The following ARHGAP15 variants were observed in gnomAD, a reference collection of about 807,000 sequenced individuals.
The protein encoded by ARHGAP15 is Rho GTPase activating protein 15.
Under a neutral mutation model 63.7 loss-of-function variants are expected in ARHGAP15, and 51 were observed. That is an observed-to-expected ratio of 0.80 (90% CI 0.64 to 1.01). The LOEUF (loss-of-function observed/expected upper bound fraction) is 1.01. ARHGAP15 is among the 50% of genes least tolerant of loss of function. ARHGAP15 has a pLI of 0.00. For synonymous variants in ARHGAP15, 191 were observed against 193.8 expected, an observed-to-expected ratio of 0.99 and a Z score of 0.12; for missense variants, 560 against 564.6, an observed-to-expected ratio of 0.99 and a Z score of 0.08.
At chr2:143,502,148 C>G (rs1191320650) in intron 9 of ARHGAP15, among the ~76,000 whole-genome samples, 3 of 152,152 alleles carry the variant, frequency 2.0e-5, no homozygotes, top group Admixed American at 6.5e-5. Context: ...GTGGCTCACA[C>G]CAGTAATCCC....
intron 12 of ARHGAP15, among the ~76,000 whole-genome samples, chr2:143,699,534 G>A (rs1237402015): frequency 6.6e-6 from 1 of 152,152 alleles, no homozygotes; most frequent in Non-Finnish European, 1.5e-5. Context: ...AAACCGACAT[G>A]TACTTTTCAT....
intron 6 of ARHGAP15, among the ~76,000 whole-genome samples, chr2:143,275,702 T>C: frequency 6.6e-6 from 1 of 152,190 alleles, no homozygotes; most frequent in East Asian, 1.9e-4. Context: ...CCAGGGCTAT[T>C]AACCTATGAT....
chr2:143,745,620 A>T (rs1319440600), intron 13 of ARHGAP15, among the ~76,000 whole-genome samples: 1 of 152,200 alleles, frequency 6.6e-6, no homozygotes, highest in African/African-American at 2.4e-5. Context: ...TATTTAAAAT[A>T]TTCATATATA....
intron 11 of ARHGAP15, among the ~76,000 whole-genome samples, chr2:143,588,821 C>T (rs1384214781): frequency 3.9e-5 from 6 of 152,120 alleles, no homozygotes; most frequent in Non-Finnish European, 7.3e-5. Flanking sequence ...TCTTTTCTGC[C>T]CAGTTTAAAC....
At chr2:143,765,120 T>A (rs978518975) in intron 13 of ARHGAP15, among the ~76,000 whole-genome samples, 1 of 113,062 alleles carries the variant, frequency 8.8e-6, no homozygotes, top group Non-Finnish European at 2.1e-5. Flanking sequence ...TGTGTGTGTG[T>A]GTGTGTGTGT....
At chr2:143,680,916 G>A (rs1683070684) in intron 12 of ARHGAP15, among the ~76,000 whole-genome samples, 1 of 152,050 alleles carries the variant, frequency 6.6e-6, no homozygotes, top group Non-Finnish European at 1.5e-5. Flanking sequence ...CTTTGATAAG[G>A]GACAATCCTA....
chr2:143,474,136 GGT>G (rs1348061335), intron 8 of ARHGAP15, among the ~76,000 whole-genome samples: 2 of 152,010 alleles, frequency 1.3e-5, no homozygotes, highest in African/African-American at 4.8e-5. Context: ...CATCTGTAGG[GGT>G]GTCCTGGCAT....
intron 1 of ARHGAP15, among the ~76,000 whole-genome samples, chr2:143,132,987 T>C (rs1207875409): frequency 6.6e-6 from 1 of 152,246 alleles, no homozygotes; most frequent in African/African-American, 2.4e-5. Context: ...ATAATTATGA[T>C]GCAAATACAA....
At chr2:143,235,805 T>G in intron 5 of ARHGAP15, 1 of 925,528 alleles carries the variant, frequency 1.1e-6, no homozygotes, top group East Asian at 3.2e-5. Context: ...CTGTTTGATT[T>G]ATCTTCTCAG....
intron 8 of ARHGAP15, among the ~76,000 whole-genome samples, chr2:143,456,873 A>G (rs1690682947): frequency 6.6e-6 from 1 of 151,896 alleles, no homozygotes; most frequent in Non-Finnish European, 1.5e-5. Context: ...ATGTATGTCT[A>G]TAGTATATAA....
At chr2:143,668,926 A>C (rs1393842151) in intron 12 of ARHGAP15, among the ~76,000 whole-genome samples, 1 of 152,250 alleles carries the variant, frequency 6.6e-6, no homozygotes, top group East Asian at 1.9e-4. Flanking sequence ...AAATTCATTT[A>C]GAGGTAAAAT....
At chr2:143,646,174 A>G (rs1363058047) in intron 12 of ARHGAP15, among the ~76,000 whole-genome samples, 2 of 152,078 alleles carry the variant, frequency 1.3e-5, no homozygotes, top group South Asian at 2.1e-4. Context: ...TAATAAATGT[A>G]TGAAGGGCTG....
intron 13 of ARHGAP15, among the ~76,000 whole-genome samples, chr2:143,738,829 C>T (rs564172603): frequency 5.6e-4 from 85 of 152,266 alleles, no homozygotes; most frequent in Admixed American, 1.6e-3. Flanking sequence ...ATGTCCTTAA[C>T]GCCAACAAAA....
At chr2:143,710,336 T>C (rs928462144) in intron 13 of ARHGAP15, among the ~76,000 whole-genome samples, 2 of 152,166 alleles carry the variant, frequency 1.3e-5, no homozygotes, top group African/African-American at 4.8e-5. Context: ...GAATTTGGCC[T>C]GGTAGTTAAG....
At chr2:143,720,639 T>C (rs1273650443) in intron 13 of ARHGAP15, among the ~76,000 whole-genome samples, 1 of 152,072 alleles carries the variant, frequency 6.6e-6, no homozygotes, top group Non-Finnish European at 1.5e-5. Context: ...TGGTGGACAA[T>C]AGGAACTGTG....
chr2:143,512,596 T>C (rs1693637885), intron 9 of ARHGAP15, among the ~76,000 whole-genome samples: 1 of 152,256 alleles, frequency 6.6e-6, no homozygotes, highest in South Asian at 2.1e-4. Context: ...CTGTAATCCC[T>C]TTCTTGAAAC....
In ARHGAP15 at chr2:143,370,784, T is replaced by C. The variant is rs147614659; in HGVS notation, c.475-64817T>C. Among the ~76,000 whole-genome samples the C allele has an allele frequency of 2.0e-5, 3 of 152,334 alleles. No individual in the cohort carries two copies. The East Asian group carries it at 5.8e-4, about 29-fold the overall frequency. On this transcript the variant is annotated intron_variant, in intron 6 of 13. Transcript: ENST00000295095. ...TTCAGATTCCTTTTCCCAGTGGTGA[T>C]GTGTGGTATTTGAGACAAGCACACT...
chr2:143,523,767 T>C (rs1322160772), intron 10 of ARHGAP15, among the ~76,000 whole-genome samples: 2 of 152,202 alleles, frequency 1.3e-5, no homozygotes, highest in African/African-American at 2.4e-5. Flanking sequence ...TTCCCGGTTC[T>C]GGTTAATATG....
At chr2:143,429,861 T>C (rs1363359815) in intron 6 of ARHGAP15, among the ~76,000 whole-genome samples, 2 of 152,206 alleles carry the variant, frequency 1.3e-5, no homozygotes, top group Non-Finnish European at 2.9e-5. Context: ...TTTTTCTGAC[T>C]TGCAAAGTTT....
Sources: allele counts gnomAD v4.1 joint callset (sites outside exome capture counted in the v4.1 genomes callset), GRCh38; gene constraint gnomAD v4.1.1; transcripts MANE v1.5; gene names NCBI Gene and HGNC (gene_info 2026-07-23, HGNC 2026-07-21).